PANK2: variants seen among roughly 807,000 people sequenced by gnomAD.
The protein encoded by PANK2 is pantothenate kinase 2, mitochondrial.
Under a neutral mutation model 43.1 loss-of-function variants are expected in PANK2, and 36 were observed. The observed-to-expected ratio is 0.84, with a 90% confidence interval of 0.64 to 1.10. The LOEUF (loss-of-function observed/expected upper bound fraction) is 1.10, where lower values mean the gene tolerates loss of function less well. PANK2 is among the 50% of genes least tolerant of loss of function. PANK2 has a pLI of 0.00. For synonymous variants in PANK2, 281 were observed against 238.2 expected (o/e 1.18, Z -1.66); for missense variants, 576 against 593.3 (o/e 0.97, Z 0.30).
Position 3,917,041 on chromosome 20 carries a change from C to T in PANK2, c.1197C>T (p.Ala399=). Residue 399 remains alanine, a synonymous_variant, in exon 5 of 7, where the codon GCC becomes GCT. Coordinates refer to ENST00000610179, the MANE Select transcript of PANK2 (RefSeq NM_001386393.1). ...TTGGCTCAATAGCAAGAATGTGTGC[C>T]CTTAATGAAGTAAGGGGACATGGAT... 1 of 1,613,900 alleles carries T rather than the reference C, an allele frequency of 6.2e-7. No individual in the cohort carries two copies. Among genetic ancestry groups the T allele is most frequent in the Non-Finnish European group, 8.5e-7 (1 of 1,179,938 alleles).
intron 1 of PANK2, among the ~76,000 whole-genome samples, chr20:3,894,074 G>A (rs1434054342): frequency 6.6e-6 from 1 of 151,800 alleles, no homozygotes; most frequent in Non-Finnish European, 1.5e-5. Context: ...TGGGATTACA[G>A]GCATGTACCA....
At position 3,897,166 on chromosome 20, in the gene PANK2, A is replaced by G. The variant is rs190915548; in HGVS notation, c.298+7438A>G. Among the ~76,000 whole-genome samples the G allele has an allele frequency of 1.7e-3, 259 of 152,274 alleles. 2 individuals carry two copies. The highest frequency in any genetic ancestry group is 6.0e-3 in the African/African-American group (249 of 41,546). On this transcript the variant is annotated intron_variant, in intron 1 of 6. Coordinates refer to ENST00000610179, the MANE Select transcript of PANK2 (RefSeq NM_001386393.1). ...CTGTGTTGATCGTTGCTGTGGTGTG[A>G]GAGCAGAGGAAAAACTTTGTTTTTC...
rs1461680150 is a variant in PANK2, at chr20:3,928,237, T to TA, written c.*4944dup. ...ACAAATGCCAGAAGAGTGGATGTGA[T>TA]AGAGAATTTTTTCTCAAGTTTTGGG... is the stretch of plus-strand genomic sequence containing the variant. On this transcript the variant is annotated 3_prime_UTR_variant, in exon 7 of 7. Transcript: ENST00000610179. 1.3e-5 allele frequency: 2 copies of TA among 152,220 alleles called. No homozygotes were observed. Among genetic ancestry groups the TA allele is most frequent in the Admixed American group, 6.5e-5 (1 of 15,290 alleles). The allele number at this position is 152,220 out of a possible 1,614,324, so 9.4% of individuals were successfully genotyped here. A position where few individuals can be genotyped will look rare whatever the true frequency, so the allele number is the denominator to read the frequency against.
intron 1 of PANK2, among the ~76,000 whole-genome samples, chr20:3,894,073 AGGCATGTACCACCAT>A (rs1295115662): frequency 2.6e-5 from 4 of 151,760 alleles, no homozygotes; most frequent in Admixed American, 2.0e-4. Flanking sequence ...CTGGGATTAC[AGGCATGTACCACCAT>A]GGCCAACTAA....
intron 1 of PANK2, among the ~76,000 whole-genome samples, chr20:3,902,925 C>T (rs1195649090): frequency 6.6e-6 from 1 of 150,466 alleles, no homozygotes; most frequent in East Asian, 1.9e-4. Context: ...CAATAAACTG[C>T]ATCCATTTAA....
chr20:3,916,856 A>G (rs1452772225), intron 4 of PANK2, 71 bp from the exon 5 acceptor site: 1 of 1,599,400 alleles, frequency 6.3e-7, no homozygotes, highest in Non-Finnish European at 8.6e-7. Flanking sequence ...ATTTCAATAA[A>G]GTAACATTCA....
chr20:3,903,621 C>T (rs929509317), intron 1 of PANK2, among the ~76,000 whole-genome samples: 1 of 150,306 alleles, frequency 6.7e-6, no homozygotes, highest in African/African-American at 2.4e-5. Context: ...CGTTCCACCA[C>T]GCCCAGCTAA....
rs1490489451 is a variant in PANK2, at chr20:3,926,947, A to C, written c.*3653A>C. ...GTGACAGCAAGACTGTCTCAAAAAAAAAAAAAAAAAAAAATCCGCTATTTC... is the reference window on the plus strand; with the variant it reads ...GTGACAGCAAGACTGTCTCAAAAAACAAAAAAAAAAAAAATCCGCTATTTC... On this transcript the variant is annotated 3_prime_UTR_variant, in exon 7 of 7. Transcript: ENST00000610179. 6.4e-6 allele frequency: 1 copy of C among 156,848 alleles called. No homozygotes were observed. The highest frequency in any genetic ancestry group is 6.5e-5 in the Admixed American group (1 of 15,396). 9.7% of individuals were successfully genotyped at this position (156,848 alleles called of 1,614,324 possible). A position where few individuals can be genotyped will look rare whatever the true frequency, so the allele number is the denominator to read the frequency against.
At chr20:3,914,062 T>C (rs867270305) in intron 4 of PANK2, among the ~76,000 whole-genome samples, 1 of 152,064 alleles carries the variant, frequency 6.6e-6, no homozygotes, top group Non-Finnish European at 1.5e-5. Context: ...GTGCTGGGAT[T>C]ACAGGCGTGA....
intron 1 of PANK2, among the ~76,000 whole-genome samples, chr20:3,890,529 G>C (rs1438701620): frequency 1.3e-5 from 2 of 152,204 alleles, no homozygotes; most frequent in Non-Finnish European, 2.9e-5. Flanking sequence ...GGCAGCCATT[G>C]CTGCTGTTGA....
At chr20:3,913,998 C>T (rs1251159875) in intron 4 of PANK2, among the ~76,000 whole-genome samples, 3 of 151,440 alleles carry the variant, frequency 2.0e-5, no homozygotes, top group Non-Finnish European at 4.4e-5. Context: ...ACTATGTTGG[C>T]CAGGATGGTC....
chr20:3,899,322 C>T (rs1325765894), intron 1 of PANK2, among the ~76,000 whole-genome samples: 2 of 151,704 alleles, frequency 1.3e-5, no homozygotes, highest in Non-Finnish European at 2.9e-5. Flanking sequence ...CAGGCATGTG[C>T]CACCATGCCC....
intron 6 of PANK2, chr20:3,921,878 T>C (rs2090652626): frequency 6.6e-6 from 1 of 152,194 alleles, no homozygotes; most frequent in South Asian, 2.1e-4. Flanking sequence ...ACCTGGCTAA[T>C]TTTTGTATTT....
intron 6 of PANK2, chr20:3,921,600 G>C (rs1236639574): frequency 6.6e-6 from 1 of 152,192 alleles, no homozygotes; most frequent in East Asian, 1.9e-4. Flanking sequence ...CCTTGCCTCT[G>C]TATTTCAGCT....
At chr20:3,918,889 TG>T in intron 6 of PANK2, 93 bp downstream of exon 6, 1 of 1,587,744 alleles carries the variant, frequency 6.3e-7, no homozygotes, top group Non-Finnish European at 8.6e-7. Context: ...GGAGGTGAAA[TG>T]GGCTGCAGTG....
chr20:3,909,908 A>G (rs1600539500), intron 2 of PANK2, among the ~76,000 whole-genome samples: 1 of 152,266 alleles, frequency 6.6e-6, no homozygotes, highest in East Asian at 1.9e-4. Context: ...CTTCATTTTT[A>G]GTTGCTATAC....
intron 1 of PANK2, among the ~76,000 whole-genome samples, chr20:3,903,437 G>A (rs534023168): frequency 1.9e-4 from 28 of 147,722 alleles, no homozygotes; most frequent in African/African-American, 7.0e-4. Flanking sequence ...CATGAGCCAC[G>A]ACGCCCGGCT....
chr20:3,920,818 C>G (rs1421435153), intron 6 of PANK2, among the ~76,000 whole-genome samples: 2 of 152,242 alleles, frequency 1.3e-5, no homozygotes, highest in African/African-American at 2.4e-5. Context: ...GCACTCCAGC[C>G]TGGGCAACAA....
At chr20:3,895,670 G>C (rs2146825272) in intron 1 of PANK2, among the ~76,000 whole-genome samples, 1 of 152,080 alleles carries the variant, frequency 6.6e-6, no homozygotes, top group African/African-American at 2.4e-5. Flanking sequence ...CATAATTTGG[G>C]GTATCTTCAG....
Sources: allele counts gnomAD v4.1 joint callset (sites outside exome capture counted in the v4.1 genomes callset), GRCh38; gene constraint gnomAD v4.1.1; transcripts MANE v1.5; gene names NCBI Gene and HGNC (gene_info 2026-07-23, HGNC 2026-07-21).